Variants in RNF40 observed in about 807,000 individuals in gnomAD.
RNF40 encodes the protein E3 ubiquitin-protein ligase BRE1B.
A neutral mutation model predicts 123.3 loss-of-function variants in RNF40; 39 were observed. That is an observed-to-expected ratio of 0.32 (90% CI 0.24 to 0.41). RNF40 has a LOEUF of 0.41. Ranked by LOEUF, RNF40 falls within the 10% of genes least tolerant of loss-of-function variation. RNF40 has a pLI of 1.00. For missense variants in RNF40, 1,003 were observed against 1,319.9 expected, an observed-to-expected ratio of 0.76 and a Z score of 3.72; for synonymous variants, 538 against 526.0, an observed-to-expected ratio of 1.02 and a Z score of -0.31.
At chr16:30,771,739 G>T in intron 17 of RNF40, 94 bp from the exon 18 acceptor site, 2 of 1,401,570 alleles carry the variant, frequency 1.4e-6, no homozygotes, top group Non-Finnish European at 1.9e-6. Context: ...AGGTGTCACT[G>T]GGGCCCTGGA....
At position 30,769,617 on chromosome 16, in the gene RNF40, G is replaced by T. The variant is rs2054110798; in HGVS notation, c.2586+17G>T. 8 of 1,528,584 alleles carry T rather than the reference G, an allele frequency of 5.2e-6. No homozygotes were observed. Among genetic ancestry groups the T allele is most frequent in the Non-Finnish European group, 6.2e-6 (7 of 1,136,986 alleles). 94.7% of individuals were successfully genotyped at this position (1,528,584 alleles called of 1,614,324 possible). A position where few individuals can be genotyped will look rare whatever the true frequency, so the allele number is the denominator to read the frequency against. On this transcript the variant is annotated intron_variant, in intron 17 of 19. Coordinates refer to ENST00000324685, the MANE Select transcript of RNF40 (RefSeq NM_014771.4). ...AAGCGGAAGGTGAGGCTGGGCCAGG[G>T]GGACACACAGCTTGGGCTGCTGGCT...
At position 30,769,462 on chromosome 16, in the gene RNF40, C is replaced by A. The variant is rs769499139; in HGVS notation, c.2461-13C>A. 3.1e-6 allele frequency: 5 copies of A among 1,613,836 alleles called. No individual in the cohort carries two copies. The highest frequency in any genetic ancestry group is 1.7e-5 in the Admixed American group (1 of 59,992). ...GTGGGGGTCATGGCCCTGAGTCCTCCTCTGGTCCTTAGGTGGATGCCCAGC... is the reference window on the plus strand; with the variant it reads ...GTGGGGGTCATGGCCCTGAGTCCTCATCTGGTCCTTAGGTGGATGCCCAGC... On this transcript the variant is annotated splice_polypyrimidine_tract_variant and intron_variant, in intron 16 of 19. Coordinates refer to ENST00000324685, the MANE Select transcript of RNF40 (RefSeq NM_014771.4).
Position 30,772,077 on chromosome 16 carries a change from C to T in RNF40, c.2728-12C>T. The stretch of plus-strand genomic sequence containing the variant: ...AGGACCCTTGCCCTTAGCCAGGCCT[C>T]TCCTGCCCCAGGAGGACATCTCACG... On this transcript the variant is annotated splice_polypyrimidine_tract_variant and intron_variant, in intron 18 of 19. Coordinates refer to ENST00000324685, the MANE Select transcript of RNF40 (RefSeq NM_014771.4). 1 of 1,567,430 alleles carries T rather than the reference C, an allele frequency of 6.4e-7. No individual in the cohort carries two copies. Among genetic ancestry groups the T allele is most frequent in the South Asian group, 1.2e-5 (1 of 86,018 alleles).
Position 30,763,573 on chromosome 16 carries a change from G to A in RNF40, c.442+14G>A, listed in dbSNP as rs766072304. On this transcript the variant is annotated intron_variant, in intron 4 of 19. Coordinates refer to ENST00000324685, the MANE Select transcript of RNF40 (RefSeq NM_014771.4). Reference sequence around the variant, plus strand: ...CAGAGCTGAGAGGTAGGACCAGAGTGCTGGGATCTGGGGAGCTTAAGTTCT... The same window carrying A: ...CAGAGCTGAGAGGTAGGACCAGAGTACTGGGATCTGGGGAGCTTAAGTTCT... The A allele has an allele frequency of 1.2e-6, 2 of 1,613,722 alleles. No homozygotes were observed. The highest frequency in any genetic ancestry group is 1.7e-6 in the Non-Finnish European group (2 of 1,179,908).
rs2054208452 is a variant in RNF40, at chr16:30,774,999, C to A, written c.*885C>A. ...AATCATTCCAGCTAGAAGAGCTTCC[C>A]CCTGACACCCTGTGACTGAGCCTGT... On this transcript the variant is annotated 3_prime_UTR_variant, in exon 20 of 20. Transcript: ENST00000324685. 2 of 456,424 alleles carry A rather than the reference C, an allele frequency of 4.4e-6. No homozygotes were observed. The highest frequency in any genetic ancestry group is 8.8e-6 in the Non-Finnish European group (2 of 226,814). 28.3% of individuals were successfully genotyped at this position (456,424 alleles called of 1,614,324 possible).
In RNF40 at chr16:30,766,423, G is replaced by T; in HGVS notation, c.1158G>T (p.Gly386=). 6.2e-7 allele frequency: 1 copy of T among 1,613,944 alleles called. No individual in the cohort carries two copies. Among genetic ancestry groups the T allele is most frequent in the Non-Finnish European group, 8.5e-7 (1 of 1,179,936 alleles). The change falls in exon 10 of 20, where the codon GGG becomes GGT. Residue 386 remains glycine, a synonymous_variant. Coordinates refer to ENST00000324685, the MANE Select transcript of RNF40 (RefSeq NM_014771.4). This position sits in a 1 kb window ranked among gnomAD's most constrained non-coding sequence, Gnocchi z 5.4. Reference sequence around the variant, plus strand: ...CTGAGGAGGTAGTGCGGGAGACGGGGGAGTACCGCATGCTGCAGGCCCAAT... The same window carrying T: ...CTGAGGAGGTAGTGCGGGAGACGGGTGAGTACCGCATGCTGCAGGCCCAAT... The part of the protein sequence containing the change: ...SLPEEVVRET[G]EYRMLQAQFS...
chr16:30,772,565 T>TGTCA lies in RNF40; in HGVS notation c.2829+376_2829+379dup, dbSNP rs538738980. Among the ~76,000 whole-genome samples the TGTCA allele has an allele frequency of 6.2e-4, 95 of 152,284 alleles. 1 individual carries two copies. In the East Asian group the frequency reaches 0.015, roughly 24 times the overall value. On this transcript the variant is annotated intron_variant, in intron 19 of 19. Transcript: ENST00000324685. ...GGGTCAGCAGGCTTCCTGGAGTGAA[T>TGTCA]GTCACCACAGCAGACCTGAAGAATA...
At chr16:30,765,531 C>T (rs1255074117) in intron 8 of RNF40, 32 bp downstream of exon 8, 4 of 1,591,742 alleles carry the variant, frequency 2.5e-6, no homozygotes, top group Non-Finnish European at 2.6e-6. Flanking sequence ...CCCCTTCTCA[C>T]AACCTCTTCT....
At chr16:30,763,660 C>T (rs995069730) in intron 4 of RNF40, 101 bp downstream of exon 4, 1 of 1,232,206 alleles carries the variant, frequency 8.1e-7, no homozygotes, top group Non-Finnish European at 1.1e-6. Flanking sequence ...TATCTTACTA[C>T]TTCTCACGAA....
chr16:30,767,985 G>A lies in RNF40; in HGVS notation c.1521G>A (p.Lys507=), dbSNP rs1276099332. 1.2e-6 allele frequency: 2 copies of A among 1,614,090 alleles called. No homozygotes were observed. Among genetic ancestry groups the A allele is most frequent in the Admixed American group, 3.3e-5 (2 of 60,012 alleles). The change falls in exon 12 of 20, where the codon AAG becomes AAA. Residue 507 remains lysine (K), a synonymous_variant. Coordinates refer to ENST00000324685, the MANE Select transcript of RNF40 (RefSeq NM_014771.4). Reference sequence around the variant, plus strand: ...GGGACGCCCAGCGATACAAGCGGAAGCTTCGAGAAGTACAAGCTGAGATTG... The same window carrying A: ...GGGACGCCCAGCGATACAAGCGGAAACTTCGAGAAGTACAAGCTGAGATTG... ...LKGDAQRYKR[K]LREVQAEIGK...
chr16:30,762,313 A>G (rs920716831), upstream of RNF40: 3 of 491,768 alleles, frequency 6.1e-6, no homozygotes, highest in South Asian at 3.0e-5. Flanking sequence ...ACGCCCAGTG[A>G]CGTCCGGTGA....
chr16:30,763,664 T>A, intron 4 of RNF40, 105 bp downstream of exon 4: 1 of 1,191,704 alleles, frequency 8.4e-7, no homozygotes, highest in Non-Finnish European at 1.2e-6. Flanking sequence ...TTACTACTTC[T>A]CACGAAATGG....
chr16:30,772,547 C>T (rs982857826), intron 19 of RNF40, among the ~76,000 whole-genome samples: 4 of 152,212 alleles, frequency 2.6e-5, no homozygotes, highest in South Asian at 2.1e-4. Flanking sequence ...CTGGGGTCAG[C>T]AGGCTTCCTG....
At position 30,765,070 on chromosome 16, in the gene RNF40, G is replaced by C. The variant is rs200919051; in HGVS notation, c.771+11G>C. 2.5e-6 allele frequency: 4 copies of C among 1,612,924 alleles called. No homozygotes were observed. The highest frequency in any genetic ancestry group is 1.7e-4 in the Middle Eastern group (1 of 6,050). On this transcript the variant is annotated intron_variant, in intron 6 of 19. Coordinates refer to ENST00000324685, the MANE Select transcript of RNF40 (RefSeq NM_014771.4). ...CGCATCTCATTGGAGGTGAGGAGCCGGGGGCTTTGGGGGTGTGATTAGAAT... is the reference window on the plus strand; with the variant it reads ...CGCATCTCATTGGAGGTGAGGAGCCCGGGGCTTTGGGGGTGTGATTAGAAT...
Position 30,764,852 on chromosome 16 carries a change from A to G in RNF40, c.650-86A>G. On this transcript the variant is annotated intron_variant, in intron 5 of 19. Coordinates refer to ENST00000324685, the MANE Select transcript of RNF40 (RefSeq NM_014771.4). ...ATGGGCAAGACAGCTGGTGGATCAC[A>G]CTGGGTATATAGCAGACTCCAGAAT... 3.3e-6 allele frequency: 5 copies of G among 1,513,406 alleles called. 1 individual carries two copies. In the South Asian group the frequency reaches 3.9e-5, roughly 12 times the overall value. The allele number at this position is 1,513,406 out of a possible 1,614,324, so 93.7% of individuals were successfully genotyped here. A position where few individuals can be genotyped will look rare whatever the true frequency, so the allele number is the denominator to read the frequency against.
At position 30,768,696 on chromosome 16, in the gene RNF40, A is replaced by G; in HGVS notation, c.2057A>G (p.Lys686Arg). 1 of 1,614,142 alleles carries G rather than the reference A, an allele frequency of 6.2e-7. No homozygotes were observed. Among genetic ancestry groups the G allele is most frequent in the East Asian group, 2.2e-5 (1 of 44,880 alleles). Reference sequence around the variant, plus strand: ...TCAGCGCCCAAGGAGCAGCGGGATAAGGTGCAGCTCATGGCAGCGGAACGC... The same window carrying G: ...TCAGCGCCCAAGGAGCAGCGGGATAGGGTGCAGCTCATGGCAGCGGAACGC... ...YKSAPKEQRD[K>R]VQLMAAERKA... Residue 686 changes from lysine to arginine, a missense_variant, in exon 14 of 20, where the codon AAG (lysine) becomes AGG (arginine). Physicochemically the swap from Lys to Arg is conservative, Grantham distance 26. Coordinates refer to ENST00000324685, the MANE Select transcript of RNF40 (RefSeq NM_014771.4). The surrounding 1 kb of genome is among the most constrained non-coding windows in gnomAD (Gnocchi z 4.1).
chr16:30,766,633 G>GTA lies in RNF40; in HGVS notation c.1293+75_1293+76insTA. 1 of 1,582,778 alleles carries GTA rather than the reference G, an allele frequency of 6.3e-7. No individual in the cohort carries two copies. The highest frequency in any genetic ancestry group is 8.6e-7 in the Non-Finnish European group (1 of 1,162,368). ...GTGTTGACGTGTTTGTGCCTTCCGA[G>GTA]GCCCTGTGTGCCAGCCAGGGGTCCC... On this transcript the variant is annotated intron_variant, in intron 10 of 19. Coordinates refer to ENST00000324685, the MANE Select transcript of RNF40 (RefSeq NM_014771.4). This position sits in a 1 kb window ranked among gnomAD's most constrained non-coding sequence, Gnocchi z 5.4.
chr16:30,769,565 C>T lies in RNF40; in HGVS notation c.2551C>T (p.Leu851=). The change falls in exon 17 of 20, where the codon CTG becomes TTG. Residue 851 remains leucine (L), a synonymous_variant. Transcript: ENST00000324685. ...CGGGGGTGTGGAGAAGGAGCTGACG[C>T]TGCGCAGCCAAGCCCTGGAGCTCAA... ...SLGGVEKELT[L]RSQALELNKR... is the part of the protein sequence containing the mutation. 6.2e-7 allele frequency: 1 copy of T among 1,606,810 alleles called. No homozygotes were observed. The highest frequency in any genetic ancestry group is 8.5e-7 in the Non-Finnish European group (1 of 1,176,540).
rs201408415 is a variant in RNF40 at position 30,766,742 on chromosome 16, G to C, written c.1295G>C (p.Ser432Thr). Reference protein sequence around the residue: ...SHLRHIEHMESDELGLQKKLR... With the variant: ...SHLRHIEHMETDELGLQKKLR... ...GGTCCTTAACACATCAACCCACAGA[G>C]CGACGAGCTGGGGCTGCAGAAGAAG... The change falls in exon 11 of 20, where the codon AGC becomes ACC. Residue 432 changes from serine to threonine, a missense_variant and splice_region_variant. By Grantham distance (58) the Ser-to-Thr change is moderately conservative. Coordinates refer to ENST00000324685, the MANE Select transcript of RNF40 (RefSeq NM_014771.4). The surrounding 1 kb of genome is among the most constrained non-coding windows in gnomAD (Gnocchi z 5.4). The C allele has an allele frequency of 6.2e-7, 1 of 1,614,014 alleles. No individual in the cohort carries two copies. Among genetic ancestry groups the C allele is most frequent in the African/African-American group, 1.3e-5 (1 of 75,056 alleles).
Sources: allele counts gnomAD v4.1 joint callset (sites outside exome capture counted in the v4.1 genomes callset), GRCh38; gene constraint gnomAD v4.1.1; non-coding constraint Gnocchi (gnomAD v3.1); transcripts MANE v1.5; gene names NCBI Gene and HGNC (gene_info 2026-07-23, HGNC 2026-07-21).